The following SRGAP2C variants were observed in gnomAD, a reference collection of about 807,000 sequenced individuals.
SRGAP2C encodes the protein SLIT-ROBO Rho GTPase activating protein 2C, also known as SLIT-ROBO Rho GTPase-activating protein 2C.
Under a neutral mutation model 25.1 loss-of-function variants are expected in SRGAP2C, and 15 were observed. The ratio of observed to expected loss-of-function variants is 0.60; its 90% confidence interval spans 0.40 to 0.92. The LOEUF is 0.92. SRGAP2C is among the 40% of genes least tolerant of loss of function. SRGAP2C has a pLI of 0.00. For missense variants in SRGAP2C, 144 were observed against 264.4 expected, an observed-to-expected ratio of 0.54 and a Z score of 3.16; for synonymous variants, 44 against 96.6, an observed-to-expected ratio of 0.46 and a Z score of 3.19.
At position 121,270,327 on chromosome 1, in the gene SRGAP2C, C is replaced by T. The variant is rs587774807; in HGVS notation, c.68-14476C>T. Among the ~76,000 whole-genome samples, 503 of 151,772 alleles carry T rather than the reference C, an allele frequency of 3.3e-3. 3 individuals are homozygous for T. Among genetic ancestry groups the T allele is most frequent in the African/African-American group, 0.012 (495 of 41,432 alleles). ...TGCTGTGGAGAAGTCTGAGACCAAT[C>T]TGGGTTTCTGCTGTATTTTGTTAGC... On this transcript the variant is annotated intron_variant, in intron 2 of 9. Transcript: ENST00000367123.
chr1:121,212,471 G>T (rs781879211), intron 2 of SRGAP2C, among the ~76,000 whole-genome samples: 37 of 151,910 alleles, frequency 2.4e-4, no homozygotes, highest in Non-Finnish European at 4.9e-4. Context: ...AGGAGCATTT[G>T]CAAGGAAGAG....
chr1:121,294,234 C>T (rs1553338062), intron 3 of SRGAP2C, among the ~76,000 whole-genome samples: 1 of 138,128 alleles, frequency 7.2e-6, no homozygotes, highest in African/African-American at 2.7e-5. Context: ...CCATCCCTCT[C>T]CTTCTTTCTC....
intron 2 of SRGAP2C, among the ~76,000 whole-genome samples, chr1:121,272,849 G>A (rs1423146853): frequency 4.6e-5 from 7 of 151,740 alleles, no homozygotes; most frequent in Admixed American, 1.3e-4. Context: ...GGGAGGAATC[G>A]TGGTTGCCTT....
At chr1:121,323,276 A>T (rs1290362649) in intron 3 of SRGAP2C, among the ~76,000 whole-genome samples, 1 of 150,926 alleles carries the variant, frequency 6.6e-6, no homozygotes, top group Non-Finnish European at 1.5e-5. Flanking sequence ...GTTAATGCTG[A>T]GTTGGTAATC....
intron 2 of SRGAP2C, among the ~76,000 whole-genome samples, chr1:121,237,706 C>G (rs1368827633): frequency 6.6e-6 from 1 of 151,574 alleles, no homozygotes; most frequent in African/African-American, 2.4e-5. Context: ...TTTCATTTCC[C>G]TTTGATTTTG....
chr1:121,186,653 C>T (rs1553318962), intron 1 of SRGAP2C, among the ~76,000 whole-genome samples: 2 of 151,520 alleles, frequency 1.3e-5, no homozygotes, highest in African/African-American at 2.4e-5. Context: ...CGCCCGGTGC[C>T]CCGCGTTCCT....
At chr1:121,350,394 C>T (rs1315137071) in intron 4 of SRGAP2C, among the ~76,000 whole-genome samples, 1 of 135,604 alleles carries the variant, frequency 7.4e-6, no homozygotes, top group Non-Finnish European at 1.6e-5. Context: ...CATCATTTTT[C>T]ATTATTATGT....
At chr1:121,339,010 G>C (rs1158604924) in intron 4 of SRGAP2C, among the ~76,000 whole-genome samples, 3 of 151,278 alleles carry the variant, frequency 2.0e-5, no homozygotes, top group African/African-American at 7.3e-5. Flanking sequence ...TAATTACTTG[G>C]AATCATGATT....
At chr1:121,288,921 G>A (rs1168432904) in intron 3 of SRGAP2C, among the ~76,000 whole-genome samples, 3 of 93,332 alleles carry the variant, frequency 3.2e-5, no homozygotes, top group African/African-American at 9.2e-5. Context: ...ACAGAGTGTC[G>A]ATTGGTGCAC....
chr1:121,285,051 G>A, intron 3 of SRGAP2C, 56 bp downstream of exon 3: 2 of 779,916 alleles, frequency 2.6e-6, no homozygotes, highest in Non-Finnish European at 3.9e-6. Context: ...GTCCAGGGTG[G>A]AGGGGGGCAG....
At chr1:121,221,575 G>A (rs1162742226) in intron 2 of SRGAP2C, among the ~76,000 whole-genome samples, 1 of 82,600 alleles carries the variant, frequency 1.2e-5, no homozygotes, top group Non-Finnish European at 2.3e-5. Context: ...GCTGGGCATG[G>A]TGGTGGGCGC....
intron 2 of SRGAP2C, among the ~76,000 whole-genome samples, chr1:121,231,728 T>C (rs1248781449): frequency 2.1e-5 from 3 of 142,314 alleles, no homozygotes; most frequent in Admixed American, 7.1e-5. Context: ...CTCACAGTCA[T>C]AAAGCTGTAG....
chr1:121,278,293 A>G (rs1657159860), intron 2 of SRGAP2C, among the ~76,000 whole-genome samples: 2 of 150,750 alleles, frequency 1.3e-5, no homozygotes, highest in South Asian at 4.2e-4. Flanking sequence ...GAAAAAGACT[A>G]TCAGTCACAC....
chr1:121,315,389 A>T (rs1658074178), intron 3 of SRGAP2C, among the ~76,000 whole-genome samples: 2 of 142,882 alleles, frequency 1.4e-5, no homozygotes. Flanking sequence ...TCTGGCTAGT[A>T]AGTGGCAGAG....
At chr1:121,208,576 C>A (rs1655173975) in intron 2 of SRGAP2C, among the ~76,000 whole-genome samples, 1 of 152,212 alleles carries the variant, frequency 6.6e-6, no homozygotes, top group African/African-American at 2.4e-5. Context: ...TCTGTTCATG[C>A]TTGAAGTATG....
chr1:121,328,150 T>C (rs1658354598), intron 4 of SRGAP2C, among the ~76,000 whole-genome samples: 1 of 152,120 alleles, frequency 6.6e-6, no homozygotes, highest in Admixed American at 6.6e-5. Context: ...GAATGAAGGA[T>C]TATTTCAGGT....
intron 4 of SRGAP2C, among the ~76,000 whole-genome samples, chr1:121,332,484 A>C (rs1435782332): frequency 1.3e-5 from 2 of 151,296 alleles, no homozygotes; most frequent in Non-Finnish European, 2.9e-5. Context: ...CACTGCAGGA[A>C]GTGGGGAATG....
intron 2 of SRGAP2C, among the ~76,000 whole-genome samples, chr1:121,278,997 G>A (rs1344713131): frequency 6.6e-6 from 1 of 152,180 alleles, no homozygotes; most frequent in Non-Finnish European, 1.5e-5. Context: ...AGATGGCTGA[G>A]GTGACATCAT....
chr1:121,259,826 TC>T (rs1656573159), intron 2 of SRGAP2C, among the ~76,000 whole-genome samples: 1 of 148,986 alleles, frequency 6.7e-6, no homozygotes, highest in East Asian at 1.9e-4. Context: ...TAAAATTTTT[TC>T]TTCTTTCTTC....
Sources: allele counts gnomAD v4.1 joint callset (sites outside exome capture counted in the v4.1 genomes callset), GRCh38; gene constraint gnomAD v4.1.1; transcripts MANE v1.5; gene names NCBI Gene and HGNC (gene_info 2026-07-23, HGNC 2026-07-21).